Variants in PHLPP2 observed in about 807,000 individuals in gnomAD.
The protein encoded by PHLPP2 is PH domain leucine-rich repeat-containing protein phosphatase 2.
In PHLPP2, 66 loss-of-function variants were observed where a neutral mutation model predicts 124.9. The ratio of observed to expected loss-of-function variants is 0.53; its 90% confidence interval spans 0.43 to 0.65. The LOEUF is 0.65. Among genes scored for constraint, PHLPP2 ranks in the 30% least tolerant of loss-of-function variants. The pLI is 0.00. For synonymous variants in PHLPP2, 681 were observed against 624.7 expected, an observed-to-expected ratio of 1.09 and a Z score of -1.34; for missense variants, 1,685 against 1,600.4, an observed-to-expected ratio of 1.05 and a Z score of -0.90.
intron 2 of PHLPP2, among the ~76,000 whole-genome samples, chr16:71,712,652 T>C (rs1479023976): frequency 6.6e-6 from 1 of 152,236 alleles, no homozygotes; most frequent in Non-Finnish European, 1.5e-5. Context: ...CAAATGGATT[T>C]AGCAAATGTA....
At chr16:71,689,608 G>A (rs1230494395) in intron 4 of PHLPP2, among the ~76,000 whole-genome samples, 2 of 151,698 alleles carry the variant, frequency 1.3e-5, no homozygotes, top group Non-Finnish European at 2.9e-5. Flanking sequence ...ATGTTGGCCA[G>A]GCTGGTTTTG....
intron 17 of PHLPP2, 143 bp downstream of exon 17, chr16:71,655,097 T>C (rs1040475096): frequency 4.7e-6 from 3 of 642,444 alleles, no homozygotes; most frequent in Admixed American, 2.7e-5. Context: ...TCCATGCTCA[T>C]ATAGAGAATG....
At position 71,663,884 on chromosome 16, in the gene PHLPP2, T is replaced by G. The variant is rs2044815382; in HGVS notation, c.1985+15A>C. 6.3e-7 allele frequency: 1 copy of G among 1,589,944 alleles called. No homozygotes were observed. The highest frequency in any genetic ancestry group is 1.3e-5 in the African/African-American group (1 of 74,452). On this transcript the variant is annotated intron_variant, in intron 13 of 18. Transcript: ENST00000568954. Reference sequence around the variant, plus strand: ...GTTGTGTATTTGAAATGATCAAAGTTTGCATTCATTTTACCTTGCAGGAAA... The same window carrying G: ...GTTGTGTATTTGAAATGATCAAAGTGTGCATTCATTTTACCTTGCAGGAAA...
chr16:71,655,108 A>G, intron 17 of PHLPP2, 132 bp downstream of exon 17: 1 of 666,694 alleles, frequency 1.5e-6, no homozygotes. Flanking sequence ...ATAGAGAATG[A>G]TCATAGAAGA....
At chr16:71,650,230 T>A (rs966931640) in intron 18 of PHLPP2, among the ~76,000 whole-genome samples, 186 bp from the exon 19 acceptor site, 1 of 152,224 alleles carries the variant, frequency 6.6e-6, no homozygotes, top group African/African-American at 2.4e-5. Context: ...CAAAATATTA[T>A]ATGGTTACTA....
intron 1 of PHLPP2, among the ~76,000 whole-genome samples, chr16:71,721,728 T>C (rs1434483908): frequency 6.6e-6 from 1 of 152,062 alleles, no homozygotes; most frequent in Admixed American, 6.5e-5. Context: ...CTTCCTATCT[T>C]CTATAAGCTG....
intron 9 of PHLPP2, among the ~76,000 whole-genome samples, chr16:71,674,234 T>C (rs892836243): frequency 3.3e-5 from 5 of 152,074 alleles, no homozygotes; most frequent in Admixed American, 6.5e-5. Context: ...CGCGCCACCA[T>C]GCCCAGCTAA....
chr16:71,718,297 C>T (rs181846379), intron 1 of PHLPP2, among the ~76,000 whole-genome samples: 14 of 152,070 alleles, frequency 9.2e-5, no homozygotes, highest in Admixed American at 9.2e-4. Context: ...AACATATATG[C>T]GGTCGGGCGC....
intron 15 of PHLPP2, among the ~76,000 whole-genome samples, chr16:71,657,132 G>A (rs1392299145): frequency 2.0e-5 from 3 of 151,978 alleles, no homozygotes; most frequent in African/African-American, 7.3e-5. Context: ...TAGTAGAGAC[G>A]GGGTTTCACC....
chr16:71,676,648 T>A lies in PHLPP2; in HGVS notation c.1270A>T (p.Met424Leu), dbSNP rs780087980. The A allele has an allele frequency of 6.9e-6, 11 of 1,602,160 alleles. No individual in the cohort carries two copies. Among genetic ancestry groups the A allele is most frequent in the Admixed American group, 1.7e-5 (1 of 60,006 alleles). The change falls in exon 9 of 19, where the codon ATG becomes TTG. Residue 424 changes from methionine (M) to leucine (L), a missense_variant and splice_region_variant. Coordinates refer to ENST00000568954, the MANE Select transcript of PHLPP2 (RefSeq NM_015020.3). ...MNHIKHVDLR[M>L]NHLKTMVIEN... ...ATAACCATGGTTTTCAAATGGTTCA[T>A]CCTTAATACGCAGAAACAAGAAAAT...
chr16:71,658,384 C>A, intron 14 of PHLPP2, 21 bp from the exon 15 acceptor site: 2 of 1,607,472 alleles, frequency 1.2e-6, no homozygotes, highest in South Asian at 2.2e-5. Flanking sequence ...ATTGAGAAAT[C>A]AAAAGAAAAT....
chr16:71,650,062 A>G lies in PHLPP2; in HGVS notation c.2818-18T>C. On this transcript the variant is annotated intron_variant, in intron 18 of 18. Coordinates refer to ENST00000568954, the MANE Select transcript of PHLPP2 (RefSeq NM_015020.3). The stretch of plus-strand genomic sequence containing the variant: ...TTGTTGTCCTACAGAAGAGCAGGAC[A>G]CAAATTCTGAGAAACAAGCAACGAT... 6.3e-7 allele frequency: 1 copy of G among 1,586,574 alleles called. No homozygotes were observed. Among genetic ancestry groups the G allele is most frequent in the Non-Finnish European group, 8.6e-7 (1 of 1,167,826 alleles).
At chr16:71,693,149 T>C (rs1212650732) in intron 3 of PHLPP2, among the ~76,000 whole-genome samples, 3 of 152,098 alleles carry the variant, frequency 2.0e-5, no homozygotes, top group Non-Finnish European at 2.9e-5. Context: ...TAGCCAGGCA[T>C]GGTGGCGTAT....
chr16:71,679,736 G>T (rs547166203), intron 6 of PHLPP2, among the ~76,000 whole-genome samples: 1 of 152,298 alleles, frequency 6.6e-6, no homozygotes, highest in African/African-American at 2.4e-5. Flanking sequence ...CAGTCCATGT[G>T]ATGAAGGAAA....
In PHLPP2 at chr16:71,664,014, G is replaced by C; in HGVS notation, c.1870C>G (p.Leu624Val). Residue 624 changes from leucine (L) to valine (V), a missense_variant, in exon 13 of 19, where the codon CTG becomes GTG. Physicochemically the swap from Leu to Val is conservative, Grantham distance 32. Coordinates refer to ENST00000568954, the MANE Select transcript of PHLPP2 (RefSeq NM_015020.3). ...TGEESLSMLQ[L>V]LYLTNNLLTD... ...AGGAGATTGTTGGTCAGATAAAGCAGCTGCAGCATACTCAAACTCTCCTCT... is the reference window on the plus strand; with the variant it reads ...AGGAGATTGTTGGTCAGATAAAGCACCTGCAGCATACTCAAACTCTCCTCT... 3 of 1,613,854 alleles carry C rather than the reference G, an allele frequency of 1.9e-6. No homozygotes were observed. The highest frequency in any genetic ancestry group is 4.5e-5 in the East Asian group (2 of 44,890).
chr16:71,653,416 A>T (rs1210970991), intron 17 of PHLPP2, among the ~76,000 whole-genome samples: 4 of 151,930 alleles, frequency 2.6e-5, no homozygotes, highest in Admixed American at 1.3e-4. Context: ...GGCCCAATAA[A>T]CTATACTTTA....
Position 71,653,027 on chromosome 16 carries a change from C to A in PHLPP2, c.2586-6G>T. On this transcript the variant is annotated splice_region_variant and splice_polypyrimidine_tract_variant and intron_variant, in intron 17 of 18. Transcript: ENST00000568954. ...GGCCAGCCATTCCTAATTTCCTGTT[C>A]AGAAAGAAAAGGAAAAGAAGACGTG... is the stretch of plus-strand genomic sequence containing the variant. 6.3e-7 allele frequency: 1 copy of A among 1,598,268 alleles called. No homozygotes were observed. Among genetic ancestry groups the A allele is most frequent in the Non-Finnish European group, 8.5e-7 (1 of 1,170,174 alleles).
chr16:71,649,620 C>G lies in PHLPP2; in HGVS notation c.3242G>C (p.Ser1081Thr), dbSNP rs1489429751. ...SSSSGIASEF[S>T]SEMSTSEVSS... ...CACCTCTGAGGTGGACATCTCACTG[C>G]TGAACTCAGAGGCAATCCCACTGCT... is the stretch of plus-strand genomic sequence containing the variant. The change falls in exon 19 of 19, where the codon AGC becomes ACC. Residue 1081 changes from serine (S) to threonine (T), a missense_variant. Coordinates refer to ENST00000568954, the MANE Select transcript of PHLPP2 (RefSeq NM_015020.3). 2 of 1,614,064 alleles carry G rather than the reference C, an allele frequency of 1.2e-6. No homozygotes were observed. The highest frequency in any genetic ancestry group is 4.5e-5 in the East Asian group (2 of 44,896).
intron 16 of PHLPP2, 69 bp from the exon 17 acceptor site, chr16:71,655,503 C>CTT (rs1224203746): frequency 4.0e-3 from 3,146 of 792,548 alleles, no homozygotes; most frequent in Non-Finnish European, 4.9e-3. Context: ...AGGGAGCATT[C>CTT]TTTTTTTTTT....
Sources: allele counts gnomAD v4.1 joint callset (sites outside exome capture counted in the v4.1 genomes callset), GRCh38; gene constraint gnomAD v4.1.1; transcripts MANE v1.5; gene names NCBI Gene and HGNC (gene_info 2026-07-23, HGNC 2026-07-21).